C13orf46: variants seen among roughly 807,000 people sequenced by gnomAD.
C13orf46 encodes the protein chromosome 13 open reading frame 46, also known as uncharacterized protein C13orf46.
At chr13:113,936,058 C>G in the C13orf46 span, among the ~76,000 whole-genome samples, 2 of 152,186 alleles carry the variant, frequency 1.3e-5, no homozygotes, top group Admixed American at 6.5e-5. Context: ...TACATGTAAC[C>G]GATTTTCATC....
chr13:113,960,117 CATG>C (rs2052575829), intron 6 of C13orf46, among the ~76,000 whole-genome samples: 1 of 151,912 alleles, frequency 6.6e-6, no homozygotes, highest in Admixed American at 6.6e-5. Flanking sequence ...ATTAGCCAGA[CATG>C]GTGGTGGGCG....
At chr13:113,965,716 ATGG>A (rs1279178512) in intron 5 of C13orf46, among the ~76,000 whole-genome samples, 2,381 of 150,120 alleles carry the variant, frequency 0.016, 49 homozygotes, top group African/African-American at 0.054. Context: ...GGTGATTATA[ATGG>A]TGGTGATGAT....
chr13:113,964,076 C>T (rs994128941), intron 6 of C13orf46, among the ~76,000 whole-genome samples: 1 of 152,104 alleles, frequency 6.6e-6, no homozygotes, highest in African/African-American at 2.4e-5. Flanking sequence ...GTCTCGATCT[C>T]CTGACCTCAT....
chr13:113,931,082 A>C, the C13orf46 span, among the ~76,000 whole-genome samples: 1 of 152,170 alleles, frequency 6.6e-6, no homozygotes, highest in Non-Finnish European at 1.5e-5. Flanking sequence ...TTCTGCTGAC[A>C]TGCCACGTGT....
At chr13:113,968,418 T>C (rs1177337488) in intron 4 of C13orf46, 49 bp downstream of exon 4, 2 of 152,366 alleles carry the variant, frequency 1.3e-5, no homozygotes, top group African/African-American at 4.8e-5. Context: ...AACTCCCGCC[T>C]GGACAGGCCT....
chr13:113,968,110 C>A (rs1332300480), intron 4 of C13orf46, among the ~76,000 whole-genome samples: 1 of 152,198 alleles, frequency 6.6e-6, no homozygotes, highest in Admixed American at 6.5e-5. Flanking sequence ...TCACACGGTG[C>A]CACGTGAGAA....
chr13:113,946,830 GGTCTCACA>G, the C13orf46 span, among the ~76,000 whole-genome samples: 1 of 152,268 alleles, frequency 6.6e-6, no homozygotes, highest in Non-Finnish European at 1.5e-5. Flanking sequence ...GCTCTCTGAG[GGTCTCACA>G]GTTGGGGAAC....
Position 113,955,046 on chromosome 13 carries a change from A to C in C13orf46, c.*1727T>G. The stretch of plus-strand genomic sequence containing the variant: ...GGAGAGGAGGAGTAGGATCTGGCGG[A>C]GAGGAGGAGCATCCGGCGGGGATGA... On this transcript the variant is annotated 3_prime_UTR_variant, in exon 7 of 7. Transcript: ENST00000636427. The C allele has an allele frequency of 5.9e-6, 1 of 168,240 alleles. No homozygotes were observed. The highest frequency in any genetic ancestry group is 8.8e-5 in the South Asian group (1 of 11,402). The allele number at this position is 168,240 out of a possible 1,614,324, so 10.4% of individuals were successfully genotyped here. A position where few individuals can be genotyped will look rare whatever the true frequency, so the allele number is the denominator to read the frequency against.
the C13orf46 span, chr13:113,926,525 C>T: frequency 7.2e-5 from 11 of 152,336 alleles, no homozygotes; most frequent in African/African-American, 2.2e-4. Context: ...TCGCACACCG[C>T]GTGATTCCTT....
At chr13:113,967,516 C>T (rs1312445251) in intron 4 of C13orf46, 128 bp from the exon 5 acceptor site, 1 of 152,274 alleles carries the variant, frequency 6.6e-6, no homozygotes, top group African/African-American at 2.4e-5. Flanking sequence ...TGATGACCAT[C>T]AGGTCCCCAG....
intron 6 of C13orf46, among the ~76,000 whole-genome samples, chr13:113,960,218 T>C (rs2052576466): frequency 6.6e-6 from 1 of 151,974 alleles, no homozygotes; most frequent in Admixed American, 6.6e-5. Context: ...ATCGTGCCAC[T>C]GCACTACAGC....
downstream of C13orf46, among the ~76,000 whole-genome samples, chr13:113,948,895 C>T (rs1162615348): frequency 6.6e-6 from 1 of 152,214 alleles, no homozygotes; most frequent in Non-Finnish European, 1.5e-5. Flanking sequence ...ATAGGGGTGT[C>T]TGATTTCATA....
At chr13:113,933,106 C>G in the C13orf46 span, among the ~76,000 whole-genome samples, 1 of 152,208 alleles carries the variant, frequency 6.6e-6, no homozygotes, top group Admixed American at 6.5e-5. Flanking sequence ...CTCAAATGAT[C>G]CACCTGCCTC....
chr13:113,931,232 G>C, the C13orf46 span, among the ~76,000 whole-genome samples: 2 of 152,212 alleles, frequency 1.3e-5, no homozygotes, highest in Non-Finnish European at 2.9e-5. Flanking sequence ...GCCTGTTTTA[G>C]GGTTTTGAGT....
intron 5 of C13orf46, among the ~76,000 whole-genome samples, chr13:113,966,458 CGGT>C (rs1392975142): frequency 3.7e-5 from 5 of 135,512 alleles, no homozygotes; most frequent in East Asian, 4.6e-4. Context: ...GTGATGATGA[CGGT>C]GGTGATGATT....
chr13:113,945,602 A>AAG, the C13orf46 span, among the ~76,000 whole-genome samples: 3 of 120,734 alleles, frequency 2.5e-5, no homozygotes, highest in African/African-American at 9.6e-5. Flanking sequence ...AGAAAGAAAG[A>AAG]AAGAAGAAAG....
At chr13:113,952,541 C>T (rs1031972855), downstream of C13orf46, among the ~76,000 whole-genome samples, 2 of 152,222 alleles carry the variant, frequency 1.3e-5, no homozygotes, top group African/African-American at 4.8e-5. Flanking sequence ...GGAATCTGCA[C>T]AGGTCAGGGG....
the C13orf46 span, among the ~76,000 whole-genome samples, chr13:113,940,220 C>T: frequency 2.4e-4 from 37 of 152,310 alleles, no homozygotes; most frequent in African/African-American, 7.7e-4. Flanking sequence ...GGGCCTGGGC[C>T]GTTTCCCCGG....
intron 6 of C13orf46, among the ~76,000 whole-genome samples, chr13:113,963,355 C>T (rs1455000224): frequency 1.8e-4 from 10 of 56,194 alleles, no homozygotes; most frequent in African/African-American, 4.4e-4. Context: ...TCCTCAGCCT[C>T]GGCCCGTCCT....
Sources: allele counts gnomAD v4.1 joint callset (sites outside exome capture counted in the v4.1 genomes callset), GRCh38; gene constraint gnomAD v4.1.1; transcripts MANE v1.5; gene names NCBI Gene and HGNC (gene_info 2026-07-23, HGNC 2026-07-21).